CDH13: variants seen among roughly 807,000 people sequenced by gnomAD.
CDH13 encodes the protein cadherin-13.
Under a neutral mutation model 63.8 loss-of-function variants are expected in CDH13, and 24 were observed. The ratio of observed to expected loss-of-function variants is 0.38; its 90% CI spans 0.27 to 0.53. CDH13 has a LOEUF of 0.53. Ranked by LOEUF, CDH13 falls within the 20% of genes least tolerant of loss-of-function variation. The pLI is 0.85. For missense variants in CDH13, 1,049 were observed against 903.1 expected (o/e 1.16, Z -2.07); for synonymous variants, 503 against 355.3 (o/e 1.42, Z -4.67).
intron 7 of CDH13, among the ~76,000 whole-genome samples, chr16:83,496,647 C>G (rs1037592257): frequency 3.9e-5 from 6 of 152,098 alleles, no homozygotes; most frequent in African/African-American, 1.4e-4. Flanking sequence ...CAACAAAAGA[C>G]AAAATTGACA....
chr16:83,147,517 C>A (rs1172132093), intron 4 of CDH13, among the ~76,000 whole-genome samples: 1 of 152,208 alleles, frequency 6.6e-6, no homozygotes, highest in East Asian at 1.9e-4. Context: ...CAGCCCCTGC[C>A]ACTTCCTCCT....
chr16:83,664,705 A>C (rs1294010860), intron 8 of CDH13, among the ~76,000 whole-genome samples: 2 of 152,106 alleles, frequency 1.3e-5, no homozygotes, highest in South Asian at 4.1e-4. Context: ...CTGCAGATGG[A>C]TATCCAATTG....
chr16:83,189,395 A>C (rs1224960467), intron 4 of CDH13, among the ~76,000 whole-genome samples: 1 of 152,190 alleles, frequency 6.6e-6, no homozygotes. Flanking sequence ...TGCTATTCTC[A>C]ACCTCTGGTT....
At chr16:83,154,956 T>C (rs915436875) in intron 4 of CDH13, among the ~76,000 whole-genome samples, 9 of 152,232 alleles carry the variant, frequency 5.9e-5, no homozygotes, top group East Asian at 1.9e-4. Flanking sequence ...TAAAATTTTA[T>C]GGTTTAGGGA....
intron 2 of CDH13, among the ~76,000 whole-genome samples, chr16:82,878,640 G>C: frequency 6.6e-6 from 1 of 151,292 alleles, no homozygotes; most frequent in East Asian, 2.0e-4. Flanking sequence ...AGACTGGGTA[G>C]ATTCGAGTGG....
At chr16:82,856,514 C>A (rs1328445565) in intron 1 of CDH13, among the ~76,000 whole-genome samples, 1 of 150,954 alleles carries the variant, frequency 6.6e-6, no homozygotes, top group Non-Finnish European at 1.5e-5. Flanking sequence ...GCAGCCTGTG[C>A]AACATAGTGA....
intron 3 of CDH13, among the ~76,000 whole-genome samples, chr16:83,039,571 G>A (rs1160145578): frequency 6.6e-6 from 1 of 152,128 alleles, no homozygotes. Flanking sequence ...GATGAATATA[G>A]GAACAGTCTC....
At chr16:83,184,882 C>CGTGTGT (rs71272419) in intron 4 of CDH13, among the ~76,000 whole-genome samples, 8,299 of 145,342 alleles carry the variant, frequency 0.057, 280 homozygotes, top group Non-Finnish European at 0.074. Flanking sequence ...ATGTCTAAGC[C>CGTGTGT]GTGTGTGTGT....
chr16:83,655,749 C>T (rs1315247623), intron 8 of CDH13, among the ~76,000 whole-genome samples: 1 of 152,144 alleles, frequency 6.6e-6, no homozygotes, highest in Non-Finnish European at 1.5e-5. Context: ...CAGAATCGAG[C>T]CTGGCATGTA....
chr16:83,676,261 G>T (rs1914945420), intron 9 of CDH13, among the ~76,000 whole-genome samples: 1 of 152,186 alleles, frequency 6.6e-6, no homozygotes, highest in Admixed American at 6.5e-5. Flanking sequence ...TACGTCTCCG[G>T]CTGTGGAGAA....
intron 1 of CDH13, among the ~76,000 whole-genome samples, chr16:82,799,014 G>C (rs962193079): frequency 2.6e-5 from 4 of 152,128 alleles, no homozygotes; most frequent in African/African-American, 9.7e-5. Context: ...TCTATCACCA[G>C]AGTCCTTGTT....
At chr16:83,490,476 G>A (rs2073989318) in intron 7 of CDH13, among the ~76,000 whole-genome samples, 1 of 152,076 alleles carries the variant, frequency 6.6e-6, no homozygotes, top group Non-Finnish European at 1.5e-5. Context: ...CCCTTCCCAG[G>A]ATGTCTCACA....
intron 6 of CDH13, among the ~76,000 whole-genome samples, chr16:83,435,289 C>G (rs980748630): frequency 3.3e-5 from 5 of 152,142 alleles, no homozygotes; most frequent in Non-Finnish European, 7.4e-5. Context: ...GGTGATCAAC[C>G]TGTCTCAGCC....
chr16:83,740,531 T>G (rs937496295), intron 10 of CDH13, among the ~76,000 whole-genome samples: 2 of 152,170 alleles, frequency 1.3e-5, no homozygotes, highest in Admixed American at 1.3e-4. Context: ...CTTGTTGTCA[T>G]GGTAGGGATC....
intron 10 of CDH13, among the ~76,000 whole-genome samples, chr16:83,695,911 A>C (rs371362997): frequency 2.9e-4 from 42 of 144,586 alleles, no homozygotes; most frequent in East Asian, 2.0e-3. Flanking sequence ...TTTTTTTTTG[A>C]GACTGGGTCT....
At chr16:82,678,975 C>T (rs189358841) in intron 1 of CDH13, among the ~76,000 whole-genome samples, 1 of 152,294 alleles carries the variant, frequency 6.6e-6, no homozygotes, top group Admixed American at 6.5e-5. Flanking sequence ...GTAAGAAAGA[C>T]AGCACACTCA....
chr16:83,052,800 A>AG, intron 3 of CDH13, among the ~76,000 whole-genome samples: 2 of 147,904 alleles, frequency 1.4e-5, no homozygotes, highest in African/African-American at 5.2e-5. Context: ...AAAAAAAAAA[A>AG]AAAAGAAAGA....
intron 6 of CDH13, among the ~76,000 whole-genome samples, chr16:83,450,129 G>T (rs769354686): frequency 2.0e-5 from 3 of 152,136 alleles, no homozygotes; most frequent in African/African-American, 7.2e-5. Context: ...CCACAGCAGC[G>T]CCCTGTGATT....
intron 7 of CDH13, among the ~76,000 whole-genome samples, chr16:83,579,681 A>C (rs1905371539): frequency 3.3e-5 from 5 of 152,120 alleles, no homozygotes; most frequent in Non-Finnish European, 7.4e-5. Context: ...TTCATTCACA[A>C]GTGCGTATTC....
Sources: gnomAD v4.1 joint callset for allele counts (sites outside exome capture counted in the v4.1 genomes callset) on GRCh38, gnomAD v4.1.1 for gene constraint, MANE v1.5 for transcripts, NCBI Gene and HGNC (gene_info 2026-07-23, HGNC 2026-07-21) for gene names.